The following CPQ variants were observed in gnomAD, a reference collection of about 807,000 sequenced individuals.
The protein encoded by CPQ is Ser-Met dipeptidase.
In CPQ, 37 loss-of-function variants were observed where a neutral mutation model predicts 45.7. The ratio of observed to expected loss-of-function variants is 0.81; its 90% CI spans 0.62 to 1.07. The LOEUF is 1.07. Among genes scored for constraint, CPQ ranks in the 50% least tolerant of loss-of-function variants. CPQ has a pLI of 0.00. For synonymous variants in CPQ, 186 were observed against 205.8 expected (o/e 0.90, Z 0.82); for missense variants, 537 against 572.9 (o/e 0.94, Z 0.64).
intron 5 of CPQ, among the ~76,000 whole-genome samples, chr8:96,985,606 G>A (rs1808950332): frequency 6.6e-6 from 1 of 152,176 alleles, no homozygotes; most frequent in African/African-American, 2.4e-5. Flanking sequence ...CCATTGGCAT[G>A]AAATAATGAG....
chr8:96,661,684 C>T (rs917199377), intron 1 of CPQ, among the ~76,000 whole-genome samples: 1 of 152,154 alleles, frequency 6.6e-6, no homozygotes, highest in East Asian at 1.9e-4. Context: ...TTTATCCGTT[C>T]ACCTACTGAA....
intron 2 of CPQ, among the ~76,000 whole-genome samples, chr8:96,800,454 A>G (rs1216981917): frequency 6.6e-6 from 1 of 152,168 alleles, no homozygotes; most frequent in Non-Finnish European, 1.5e-5. Context: ...TTCATATTCT[A>G]TGACCCAGTA....
chr8:96,921,666 T>C (rs1056961207), intron 4 of CPQ, among the ~76,000 whole-genome samples: 14 of 152,324 alleles, frequency 9.2e-5, no homozygotes, highest in African/African-American at 2.6e-4. Context: ...CCCATGATAC[T>C]ATATTGCAGC....
At chr8:97,005,440 G>A (rs911566574) in intron 5 of CPQ, among the ~76,000 whole-genome samples, 3 of 151,812 alleles carry the variant, frequency 2.0e-5, no homozygotes, top group Non-Finnish European at 2.9e-5. Context: ...AGTGGCTCAC[G>A]CCTGTAATCC....
intron 1 of CPQ, among the ~76,000 whole-genome samples, chr8:96,781,012 G>A (rs1198986687): frequency 6.6e-6 from 1 of 151,956 alleles, no homozygotes; most frequent in Admixed American, 6.6e-5. Flanking sequence ...TCTGCATGCT[G>A]GCTTATTTTA....
At chr8:97,081,764 C>T (rs1810954003) in intron 7 of CPQ, among the ~76,000 whole-genome samples, 1 of 152,146 alleles carries the variant, frequency 6.6e-6, no homozygotes, top group South Asian at 2.1e-4. Flanking sequence ...GAACCACTGA[C>T]ATATAACTTT....
chr8:97,122,746 A>T (rs747218512), intron 7 of CPQ, among the ~76,000 whole-genome samples: 26 of 151,162 alleles, frequency 1.7e-4, no homozygotes, highest in Non-Finnish European at 3.1e-4. Flanking sequence ...TTAGCCGGAC[A>T]TGGTGGCGTG....
intron 1 of CPQ, among the ~76,000 whole-genome samples, chr8:96,735,687 A>C (rs1014315183): frequency 6.6e-6 from 1 of 152,116 alleles, no homozygotes; most frequent in African/African-American, 2.4e-5. Context: ...TGCCATAAAA[A>C]TCCACATTGT....
intron 1 of CPQ, among the ~76,000 whole-genome samples, chr8:96,671,601 G>C (rs1013447392): frequency 6.6e-6 from 1 of 152,164 alleles, no homozygotes; most frequent in Non-Finnish European, 1.5e-5. Context: ...CTATCAATTT[G>C]AGGTTTATTG....
At position 96,651,040 on chromosome 8, in the gene CPQ, G is replaced by A. The variant is rs181606160; in HGVS notation, c.-35+5638G>A. Among the ~76,000 whole-genome samples, 532 of 152,322 alleles carry A rather than the reference G, an allele frequency of 3.5e-3. 5 individuals carry two copies. The highest frequency in any genetic ancestry group is 0.019 in the South Asian group (92 of 4,828). On this transcript the variant is annotated intron_variant, in intron 1 of 7. Transcript: ENST00000220763. ...TACATCTATATTTATCATATATGAAGATTTTTCTGACTTGGGTATTGAATA... is the reference window on the plus strand; with the variant it reads ...TACATCTATATTTATCATATATGAAAATTTTTCTGACTTGGGTATTGAATA...
intron 7 of CPQ, among the ~76,000 whole-genome samples, chr8:97,117,004 T>A (rs1206696847): frequency 6.6e-6 from 1 of 152,224 alleles, no homozygotes; most frequent in African/African-American, 2.4e-5. Context: ...GTGCTTTCAG[T>A]TGCCTCTTGT....
intron 7 of CPQ, among the ~76,000 whole-genome samples, chr8:97,087,929 T>C (rs1334806467): frequency 6.6e-6 from 1 of 152,184 alleles, no homozygotes; most frequent in Non-Finnish European, 1.5e-5. Context: ...CTTGTTTTGA[T>C]GATAGAGAAG....
intron 1 of CPQ, among the ~76,000 whole-genome samples, chr8:96,763,790 C>T (rs1424958691): frequency 4.6e-5 from 7 of 152,056 alleles, no homozygotes; most frequent in Admixed American, 4.6e-4. Context: ...AAAATATACT[C>T]AACATTATTA....
intron 4 of CPQ, among the ~76,000 whole-genome samples, chr8:96,911,907 C>T (rs1049097899): frequency 2.6e-5 from 4 of 152,156 alleles, no homozygotes; most frequent in Non-Finnish European, 5.9e-5. Context: ...GCTGTAGTAT[C>T]GGCCAGACCT....
At chr8:96,953,152 G>A (rs1813295344) in intron 4 of CPQ, among the ~76,000 whole-genome samples, 1 of 152,098 alleles carries the variant, frequency 6.6e-6, no homozygotes, top group Admixed American at 6.6e-5. Context: ...TAATATCACA[G>A]GAAAACATTA....
chr8:97,084,385 C>T (rs547051594), intron 7 of CPQ, among the ~76,000 whole-genome samples: 1 of 152,184 alleles, frequency 6.6e-6, no homozygotes, highest in East Asian at 1.9e-4. Flanking sequence ...CCTACCCCTC[C>T]CCCATCTTTT....
At chr8:96,789,711 C>T (rs1000461583) in intron 2 of CPQ, among the ~76,000 whole-genome samples, 1 of 152,162 alleles carries the variant, frequency 6.6e-6, no homozygotes, top group Non-Finnish European at 1.5e-5. Flanking sequence ...TACCAGAATG[C>T]AAATAATTTT....
intron 7 of CPQ, among the ~76,000 whole-genome samples, chr8:97,142,729 G>A (rs1812188608): frequency 6.6e-6 from 1 of 152,152 alleles, no homozygotes; most frequent in Admixed American, 6.5e-5. Context: ...TTTGCCCCAT[G>A]CAGCTCCAAA....
chr8:96,772,395 T>C (rs575484535), intron 1 of CPQ, among the ~76,000 whole-genome samples: 1 of 152,130 alleles, frequency 6.6e-6, no homozygotes, highest in South Asian at 2.1e-4. Context: ...TGGGAGAAGA[T>C]CAGACTCTGG....
Sources: allele counts gnomAD v4.1 joint callset (sites outside exome capture counted in the v4.1 genomes callset), GRCh38; gene constraint gnomAD v4.1.1; transcripts MANE v1.5; gene names NCBI Gene and HGNC (gene_info 2026-07-23, HGNC 2026-07-21).